Variants in RBMS3 observed in about 807,000 individuals in gnomAD.
RBMS3 encodes the protein RNA binding motif single stranded interacting protein 3.
RBMS3 carries 27 observed loss-of-function variants against 66.8 expected under a neutral mutation model. The ratio of observed to expected loss-of-function variants is 0.40; its 90% confidence interval spans 0.30 to 0.56. The LOEUF (loss-of-function observed/expected upper bound fraction) is 0.56, where lower values mean the gene tolerates loss of function less well. Among genes scored for constraint, RBMS3 ranks in the 20% least tolerant of loss-of-function variants. RBMS3 has a pLI of 0.40. For missense variants in RBMS3, 513 were observed against 549.5 expected, an observed-to-expected ratio of 0.93 and a Z score of 0.66; for synonymous variants, 188 against 183.0, an observed-to-expected ratio of 1.03 and a Z score of -0.22.
intron 10 of RBMS3, among the ~76,000 whole-genome samples, chr3:29,929,188 C>T (rs2061037986): frequency 6.6e-6 from 1 of 152,168 alleles, no homozygotes; most frequent in African/African-American, 2.4e-5. Context: ...ATCCCTTTGA[C>T]CGTAGAGTCC....
intron 6 of RBMS3, among the ~76,000 whole-genome samples, chr3:29,783,087 G>T (rs886780056): frequency 6.6e-6 from 1 of 152,194 alleles, no homozygotes; most frequent in Non-Finnish European, 1.5e-5. Flanking sequence ...TGGCGTTCCT[G>T]AGGAAGAAGA....
intron 13 of RBMS3, among the ~76,000 whole-genome samples, chr3:29,989,178 T>G (rs977087052): frequency 2.0e-5 from 3 of 152,204 alleles, no homozygotes; most frequent in African/African-American, 7.2e-5. Context: ...AATGATGATG[T>G]CAGCTTGTCC....
chr3:29,694,870 A>G (rs1310203810), intron 4 of RBMS3, among the ~76,000 whole-genome samples: 2 of 152,038 alleles, frequency 1.3e-5, no homozygotes, highest in African/African-American at 2.4e-5. Flanking sequence ...TTAAAAAAAA[A>G]ATACAAGGCA....
At chr3:29,962,086 A>G (rs1419694248) in intron 12 of RBMS3, among the ~76,000 whole-genome samples, 1 of 145,626 alleles carries the variant, frequency 6.9e-6, no homozygotes, top group African/African-American at 2.5e-5. Flanking sequence ...TTGTATATAT[A>G]ATAAGATATA....
At chr3:29,375,852 A>C (rs1448229505) in intron 1 of RBMS3, among the ~76,000 whole-genome samples, 3 of 152,212 alleles carry the variant, frequency 2.0e-5, no homozygotes, top group African/African-American at 7.2e-5. Context: ...CATTTGGTAT[A>C]TATCCAAAGG....
intron 3 of RBMS3, among the ~76,000 whole-genome samples, chr3:29,529,495 C>T (rs2045266729): frequency 6.6e-6 from 1 of 152,034 alleles, no homozygotes; most frequent in South Asian, 2.1e-4. Context: ...AGAATTTAGT[C>T]TTTTTTATAC....
intron 3 of RBMS3, among the ~76,000 whole-genome samples, chr3:29,573,327 G>C (rs2047004790): frequency 6.6e-6 from 1 of 152,016 alleles, no homozygotes; most frequent in South Asian, 2.1e-4. Flanking sequence ...CACCATGTTG[G>C]CCAGGCTGGT....
chr3:29,798,351 GA>G (rs2057281000), intron 6 of RBMS3, among the ~76,000 whole-genome samples: 1 of 87,044 alleles, frequency 1.1e-5, no homozygotes, highest in Non-Finnish European at 2.3e-5. Flanking sequence ...GAGGGGAGGA[GA>G]GGGGAGGGGA....
rs571426454 is a variant in RBMS3, at chr3:29,932,274, A to C, written c.940-3812A>C. On this transcript the variant is annotated intron_variant, in intron 10 of 14. Transcript: ENST00000383767. ...TTTAACAAGATATAATGTGATTATCACATAAAAGACCATGGCCTGTAAAAA... is the reference window on the plus strand; with the variant it reads ...TTTAACAAGATATAATGTGATTATCCCATAAAAGACCATGGCCTGTAAAAA... Among the ~76,000 whole-genome samples the C allele has an allele frequency of 1.5e-3, 224 of 152,302 alleles. 2 individuals carry two copies. The highest frequency in any genetic ancestry group is 4.8e-3 in the African/African-American group (200 of 41,572).
At chr3:29,523,358 T>A (rs1424425566) in intron 3 of RBMS3, among the ~76,000 whole-genome samples, 4 of 152,220 alleles carry the variant, frequency 2.6e-5, no homozygotes, top group Non-Finnish European at 5.9e-5. Context: ...ATTTTTATAG[T>A]CACTTGGGTG....
intron 6 of RBMS3, among the ~76,000 whole-genome samples, chr3:29,822,946 G>A (rs912181546): frequency 6.6e-6 from 1 of 152,114 alleles, no homozygotes; most frequent in African/African-American, 2.4e-5. Context: ...GGAATGCTTA[G>A]TAAAATGTGA....
At chr3:29,900,103 A>G (rs1449677393) in intron 10 of RBMS3, among the ~76,000 whole-genome samples, 1 of 151,756 alleles carries the variant, frequency 6.6e-6, no homozygotes, top group Non-Finnish European at 1.5e-5. Flanking sequence ...GCAGGAACTC[A>G]GAACTCCGGA....
At chr3:29,942,175 C>A (rs971209540) in intron 11 of RBMS3, among the ~76,000 whole-genome samples, 1 of 151,556 alleles carries the variant, frequency 6.6e-6, no homozygotes, top group African/African-American at 2.4e-5. Flanking sequence ...AGCATGAAAT[C>A]GTAAGAGAAA....
intron 3 of RBMS3, among the ~76,000 whole-genome samples, chr3:29,501,330 G>A (rs533746797): frequency 5.3e-5 from 8 of 152,144 alleles, no homozygotes; most frequent in Admixed American, 2.6e-4. Flanking sequence ...CACTCTGTGC[G>A]TCTTTCAAAA....
intron 1 of RBMS3, among the ~76,000 whole-genome samples, chr3:29,348,739 T>C (rs58229584): frequency 0.017 from 2,637 of 152,230 alleles, 77 homozygotes; most frequent in African/African-American, 0.06. Flanking sequence ...CTTAATTAAA[T>C]GAGGTCACAG....
At chr3:29,347,522 T>C (rs958722603) in intron 1 of RBMS3, among the ~76,000 whole-genome samples, 60 of 152,312 alleles carry the variant, frequency 3.9e-4, no homozygotes, top group Non-Finnish European at 1.5e-4. Context: ...TTATTATCTA[T>C]GGGTGTGTGC....
chr3:29,789,644 T>C (rs1434616159), intron 6 of RBMS3, among the ~76,000 whole-genome samples: 1 of 152,172 alleles, frequency 6.6e-6, no homozygotes, highest in African/African-American at 2.4e-5. Context: ...TGTTTGACTA[T>C]TTGAGGGAGT....
At chr3:29,878,651 C>A (rs770184110) in intron 7 of RBMS3, among the ~76,000 whole-genome samples, 9 of 152,048 alleles carry the variant, frequency 5.9e-5, no homozygotes, top group African/African-American at 2.2e-4. Context: ...AAATGATATG[C>A]CCTTTTTTCC....
intron 3 of RBMS3, among the ~76,000 whole-genome samples, chr3:29,521,380 A>G (rs1288878122): frequency 6.6e-6 from 1 of 152,220 alleles, no homozygotes; most frequent in African/African-American, 2.4e-5. Context: ...TTTGAAAAGC[A>G]GGAAAATATA....
Sources: gnomAD v4.1 joint callset for allele counts (sites outside exome capture counted in the v4.1 genomes callset) on GRCh38, gnomAD v4.1.1 for gene constraint, MANE v1.5 for transcripts, NCBI Gene and HGNC (gene_info 2026-07-23, HGNC 2026-07-21) for gene names.